Variants in SMARCD1 observed in about 807,000 individuals in gnomAD.
SMARCD1 encodes the protein SWI/SNF related BAF chromatin remodeling complex subunit D1.
Under a neutral mutation model 70.8 loss-of-function variants are expected in SMARCD1, and 16 were observed. The observed-to-expected ratio is 0.23, with a 90% CI of 0.15 to 0.34. SMARCD1 has a LOEUF of 0.34. Ranked by LOEUF, SMARCD1 falls within the 10% of genes least tolerant of loss-of-function variation. The pLI is 1.00. For missense variants in SMARCD1, 409 were observed against 655.5 expected (o/e 0.62, Z 4.11); for synonymous variants, 249 against 246.0 (o/e 1.01, Z -0.11).
In SMARCD1 at chr12:50,099,092, G is replaced by T; in HGVS notation, c.*92G>T. The T allele has an allele frequency of 8.5e-7, 1 of 1,173,882 alleles. No individual in the cohort carries two copies. Among genetic ancestry groups the T allele is most frequent in the Non-Finnish European group, 1.3e-6 (1 of 785,518 alleles). 72.7% of individuals were successfully genotyped at this position (1,173,882 alleles called of 1,614,324 possible). A position where few individuals can be genotyped will look rare whatever the true frequency, so the allele number is the denominator to read the frequency against. ...TAGTATCTGCCTTGGTCTTGCTTGG[G>T]GCGTTCCAGGGGATGCTGTTGGTTC... On this transcript the variant is annotated 3_prime_UTR_variant, in exon 13 of 13. Transcript: ENST00000394963.
At chr12:50,091,932 TC>T (rs1369732073) in intron 9 of SMARCD1, among the ~76,000 whole-genome samples, 1 of 152,162 alleles carries the variant, frequency 6.6e-6, no homozygotes, top group Non-Finnish European at 1.5e-5. Flanking sequence ...TCTGGGCACT[TC>T]CTCCCACTCT....
chr12:50,091,972 A>G (rs998405076), intron 9 of SMARCD1, among the ~76,000 whole-genome samples: 12 of 152,192 alleles, frequency 7.9e-5, no homozygotes, highest in Non-Finnish European at 4.4e-5. Context: ...TTAAACATCT[A>G]CCAGCTCTTC....
intron 9 of SMARCD1, among the ~76,000 whole-genome samples, chr12:50,090,796 ATTATTACATT>A (rs1950834835): frequency 6.8e-6 from 1 of 147,104 alleles, no homozygotes; most frequent in Admixed American, 6.8e-5. Context: ...TAACTTCCTA[ATTATTACATT>A]TTATTGTATT....
intron 2 of SMARCD1, 116 bp from the exon 3 acceptor site, chr12:50,086,505 T>TGGTGGTGGTGGTG: frequency 2.2e-6 from 1 of 444,508 alleles, no homozygotes; most frequent in Non-Finnish European, 3.2e-6. Flanking sequence ...TGGTGGTAGT[T>TGGTGGTGGTGGTG]CTTTGAGAGA....
chr12:50,087,621 T>G (rs1950803248), intron 5 of SMARCD1, 136 bp downstream of exon 5: 1 of 1,036,764 alleles, frequency 9.6e-7, no homozygotes, highest in Non-Finnish European at 1.4e-6. Flanking sequence ...CACTGTTCCC[T>G]GCACTGAAAG....
rs1313708909 is a variant in SMARCD1, at chr12:50,090,495, C to G, written c.1038C>G (p.Ile346Met). Residue 346 changes from isoleucine (I) to methionine (M), a missense_variant and splice_region_variant, in exon 9 of 13, where the codon ATC (isoleucine) becomes ATG (methionine). Around this residue, in one of 2 missense-constraint regions of SMARCD1, gnomAD observed 269 missense variants for 498.6 expected, o/e 0.54. Transcript: ENST00000394963. ...FVICDKYLQQ[I>M]FESQRMKFSE... ...CGTGCTTCTCCCCTTTGCTACAGAT[C>G]TTTGAGTCTCAACGTATGAAGTTTT... 2 of 1,614,004 alleles carry G rather than the reference C, an allele frequency of 1.2e-6. No homozygotes were observed. Among genetic ancestry groups the G allele is most frequent in the Admixed American group, 3.3e-5 (2 of 60,030 alleles).
At chr12:50,091,417 A>G (rs1369195785) in intron 9 of SMARCD1, among the ~76,000 whole-genome samples, 1 of 152,080 alleles carries the variant, frequency 6.6e-6, no homozygotes, top group African/African-American at 2.4e-5. Context: ...CTGGGATTAC[A>G]GGCATGTGCC....
At position 50,085,511 on chromosome 12, in the gene SMARCD1, C is replaced by G. The variant is rs548902421; in HGVS notation, c.142C>G (p.Leu48Val). 89 of 1,237,842 alleles carry G rather than the reference C, an allele frequency of 7.2e-5. No individual in the cohort carries two copies. In the Middle Eastern group the frequency reaches 2.2e-3, roughly 30 times the overall value. The allele number at this position is 1,237,842 out of a possible 1,614,324, so 76.7% of individuals were successfully genotyped here. Residue 48 changes from leucine to valine, a missense_variant, in exon 1 of 13, where the codon CTG becomes GTG. By Grantham distance (32) the Leu-to-Val change is conservative. This residue lies in a region of SMARCD1 where 140 missense variants were observed against 156.9 expected (regional missense o/e 0.89). Transcript: ENST00000394963. ...AATGGGCCCGGCTCCGGGTCAAGGGCTGTACCGCTCCCCGATGCCCGGAGC... is the reference window on the plus strand; with the variant it reads ...AATGGGCCCGGCTCCGGGTCAAGGGGTGTACCGCTCCCCGATGCCCGGAGC... ...VRMGPAPGQG[L>V]YRSPMPGAAY...
Position 50,096,849 on chromosome 12 carries a change from G to T in SMARCD1, c.1270-1G>T. ...GGTATGAGCTTCGTTCTTCCTTTCA[G>T]ATCCATGAGACAATAGAAACCATCA... On this transcript the variant is annotated splice_acceptor_variant, in intron 10 of 12. Coordinates refer to ENST00000394963, the MANE Select transcript of SMARCD1 (RefSeq NM_003076.5). LOFTEE classifies it high-confidence loss of function. 1 of 1,604,746 alleles carries T rather than the reference G, an allele frequency of 6.2e-7. No homozygotes were observed. Among genetic ancestry groups the T allele is most frequent in the Non-Finnish European group, 8.5e-7 (1 of 1,173,398 alleles).
chr12:50,088,922 C>A, intron 6 of SMARCD1: 1 of 216,986 alleles, frequency 4.6e-6, no homozygotes, highest in Non-Finnish European at 9.0e-6. Flanking sequence ...TTGTATGTGC[C>A]AGGCCATCTC....
chr12:50,094,617 C>T (rs1489997513), intron 10 of SMARCD1, 45 bp downstream of exon 10: 5 of 1,587,966 alleles, frequency 3.1e-6, no homozygotes, highest in Non-Finnish European at 4.3e-6. Flanking sequence ...CAGCCCCTAT[C>T]ACAGCTTCAA....
At chr12:50,097,357 C>T (rs1211592685) in intron 11 of SMARCD1, among the ~76,000 whole-genome samples, 1 of 151,982 alleles carries the variant, frequency 6.6e-6, no homozygotes, top group African/African-American at 2.4e-5. Flanking sequence ...TTGAGACCAG[C>T]CTGGCCAACA....
chr12:50,095,926 G>A (rs1428045559), intron 10 of SMARCD1, among the ~76,000 whole-genome samples: 2 of 152,194 alleles, frequency 1.3e-5, no homozygotes, highest in African/African-American at 4.8e-5. Context: ...CGAAGACTGT[G>A]TAAGACAGCT....
At chr12:50,097,043 G>A (rs1950899000) in intron 11 of SMARCD1, 71 bp downstream of exon 11, 2 of 1,430,194 alleles carry the variant, frequency 1.4e-6, no homozygotes. Context: ...TCATGTAGCA[G>A]CTGGTAGGAG....
In SMARCD1 at chr12:50,099,087, C is replaced by G. The variant is rs1950917412; in HGVS notation, c.*87C>G. ...CCTCATAGTATCTGCCTTGGTCTTG[C>G]TTGGGGCGTTCCAGGGGATGCTGTT... On this transcript the variant is annotated 3_prime_UTR_variant, in exon 13 of 13. Transcript: ENST00000394963. 5.5e-6 allele frequency: 7 copies of G among 1,281,148 alleles called. No individual in the cohort carries two copies. Among genetic ancestry groups the G allele is most frequent in the East Asian group, 2.3e-5 (1 of 43,296 alleles). The allele number at this position is 1,281,148 out of a possible 1,614,324, so 79.4% of individuals were successfully genotyped here.
rs768646033 is a variant in SMARCD1, at chr12:50,088,504, T to C, written c.655-17T>C. 6 of 1,408,080 alleles carry C rather than the reference T, an allele frequency of 4.3e-6. No homozygotes were observed. The highest frequency in any genetic ancestry group is 5.9e-6 in the Non-Finnish European group (6 of 1,016,304). 87.2% of individuals were successfully genotyped at this position (1,408,080 alleles called of 1,614,324 possible). A position where few individuals can be genotyped will look rare whatever the true frequency, so the allele number is the denominator to read the frequency against. On this transcript the variant is annotated splice_polypyrimidine_tract_variant and intron_variant, in intron 5 of 12. Transcript: ENST00000394963. ...TTCTGGCCTTTCCTAATGTGATTTT[T>C]ATTTTCTCTCCTCTAGTCAGCCTTG... is the stretch of plus-strand genomic sequence containing the variant.
At chr12:50,090,098 T>TA in intron 7 of SMARCD1, 113 bp downstream of exon 7, 1 of 1,283,772 alleles carries the variant, frequency 7.8e-7, no homozygotes, top group Non-Finnish European at 1.1e-6. Flanking sequence ...GGCACAGAGA[T>TA]AGAGTCTTAG....
At position 50,086,783 on chromosome 12, in the gene SMARCD1, G is replaced by A. The variant is rs141789236; in HGVS notation, c.436G>A (p.Ala146Thr). 4 of 1,613,926 alleles carry A rather than the reference G, an allele frequency of 2.5e-6. No homozygotes were observed. In the African/African-American group the frequency reaches 5.3e-5, roughly 22 times the overall value. Reference protein sequence around the residue: ...RIRELVPESQAYMDLLAFERK... With the variant: ...RIRELVPESQTYMDLLAFERK... ...TCGTGAACTGGTACCAGAATCCCAGGCCTATATGGATCTCTTGGCTTTTGA... is the reference window on the plus strand; with the variant it reads ...TCGTGAACTGGTACCAGAATCCCAGACCTATATGGATCTCTTGGCTTTTGA... The change falls in exon 4 of 13, where the codon GCC becomes ACC. Residue 146 changes from alanine to threonine, a missense_variant. Coordinates refer to ENST00000394963, the MANE Select transcript of SMARCD1 (RefSeq NM_003076.5).
rs191080595 is a variant in SMARCD1, at chr12:50,099,071, A to C, written c.*71A>C. On this transcript the variant is annotated 3_prime_UTR_variant, in exon 13 of 13. Coordinates refer to ENST00000394963, the MANE Select transcript of SMARCD1 (RefSeq NM_003076.5). ...GGCCCTGTGCTGCCTGCCTCATAGTATCTGCCTTGGTCTTGCTTGGGGCGT... is the reference window on the plus strand; with the variant it reads ...GGCCCTGTGCTGCCTGCCTCATAGTCTCTGCCTTGGTCTTGCTTGGGGCGT... 6.8e-7 allele frequency: 1 copy of C among 1,471,098 alleles called. No homozygotes were observed. Among genetic ancestry groups the C allele is most frequent in the African/African-American group, 1.4e-5 (1 of 72,038 alleles). 91.1% of individuals were successfully genotyped at this position (1,471,098 alleles called of 1,614,324 possible).
Sources: gnomAD v4.1 joint callset for allele counts (sites outside exome capture counted in the v4.1 genomes callset) on GRCh38, gnomAD v4.1.1 for gene constraint, gnomAD v4.1.1 regional missense constraint, MANE v1.5 for transcripts, NCBI Gene and HGNC (gene_info 2026-07-23, HGNC 2026-07-21) for gene names.